SULF1: variants seen among roughly 807,000 people sequenced by gnomAD.
The protein encoded by SULF1 is sulfatase 1.
SULF1 carries 46 observed loss-of-function variants against 110.5 expected under a neutral mutation model. The ratio of observed to expected loss-of-function variants is 0.42; its 90% CI spans 0.33 to 0.53. SULF1 has a LOEUF of 0.53. SULF1 is among the 20% of genes least tolerant of loss of function. The probability of loss-of-function intolerance (pLI) is 0.12; values close to 1 mark genes in which losing one functional copy is unlikely to be tolerated. For missense variants in SULF1, 941 were observed against 1,094.2 expected (o/e 0.86, Z 1.98); for synonymous variants, 371 against 387.1 (o/e 0.96, Z 0.49).
rs1026937179 is a variant in SULF1 at position 69,576,171 on chromosome 8, C to T, written c.374C>T (p.Thr125Ile). 8.7e-6 allele frequency: 14 copies of T among 1,614,030 alleles called. No homozygotes were observed. The highest frequency in any genetic ancestry group is 1.2e-5 in the Non-Finnish European group (14 of 1,180,024). ...TGGCAGGCCATGCATGAGCCTCGGA[C>T]TTTTGCTGTATATCTTAACAACACT... Reference protein sequence around the residue: ...PSWQAMHEPRTFAVYLNNTGY... With the variant: ...PSWQAMHEPRIFAVYLNNTGY... The change falls in exon 6 of 23, where the codon ACT becomes ATT. Residue 125 changes from threonine to isoleucine, a missense_variant. Transcript: ENST00000402687.
intron 3 of SULF1, among the ~76,000 whole-genome samples, chr8:69,513,807 T>C (rs1811737577): frequency 6.6e-6 from 1 of 152,204 alleles, no homozygotes; most frequent in African/African-American, 2.4e-5. Context: ...TCAGCCACAT[T>C]ACAGAAAAGG....
intron 3 of SULF1, among the ~76,000 whole-genome samples, chr8:69,562,582 T>G (rs886960325): frequency 1.3e-5 from 2 of 152,192 alleles, no homozygotes; most frequent in East Asian, 3.9e-4. Context: ...CTTTGCTATC[T>G]TTCCAAGAGA....
chr8:69,471,971 AG>A lies in SULF1; in HGVS notation c.-391+5023del, dbSNP rs112661133. ...CCACCAAAGGCAGGGGAATAAGGAA[AG>A]GAGGGAGAGAGCAAGGGAGAGAAAG... On this transcript the variant is annotated intron_variant, in intron 1 of 22. Transcript: ENST00000260128. 3.6e-3 allele frequency among the ~76,000 whole-genome samples: 538 copies of A among 150,844 alleles called. 6 individuals carry two copies. Among genetic ancestry groups the A allele is most frequent in the African/African-American group, 0.013 (520 of 40,764 alleles).
intron 3 of SULF1, among the ~76,000 whole-genome samples, chr8:69,561,353 A>C (rs1343979551): frequency 6.6e-6 from 1 of 152,242 alleles, no homozygotes; most frequent in Non-Finnish European, 1.5e-5. Context: ...ACCAGAAAGG[A>C]AGTTCATTTC....
intron 5 of SULF1, among the ~76,000 whole-genome samples, chr8:69,567,520 T>G (rs921934363): frequency 2.6e-5 from 4 of 152,190 alleles, no homozygotes; most frequent in African/African-American, 7.2e-5. Flanking sequence ...CTGGCAACTA[T>G]CATTCTACTT....
At chr8:69,635,178 G>T (rs1412249320) in intron 19 of SULF1, among the ~76,000 whole-genome samples, 2 of 152,188 alleles carry the variant, frequency 1.3e-5, no homozygotes, top group African/African-American at 4.8e-5. Context: ...CAGAACACAG[G>T]ATTTTTAGAG....
At position 69,547,267 on chromosome 8, in the gene SULF1, A is replaced by C. The variant is rs535188053; in HGVS notation, c.-133-16272A>C. On this transcript the variant is annotated intron_variant, in intron 3 of 22. Coordinates refer to ENST00000402687, the MANE Select transcript of SULF1 (RefSeq NM_001128205.2). Reference sequence around the variant, plus strand: ...GTGAAAAGCAAATTTGATGATTTATACCAAAATATTTTCCTGAACTGTGAT... The same window carrying C: ...GTGAAAAGCAAATTTGATGATTTATCCCAAAATATTTTCCTGAACTGTGAT... Among the ~76,000 whole-genome samples the C allele has an allele frequency of 3.8e-4, 58 of 152,268 alleles. 1 individual carries two copies. The South Asian group carries it at 6.8e-3, about 18-fold the overall frequency.
chr8:69,524,697 T>C (rs1331410461), intron 3 of SULF1, among the ~76,000 whole-genome samples: 1 of 152,236 alleles, frequency 6.6e-6, no homozygotes, highest in Non-Finnish European at 1.5e-5. Context: ...AGTATAGTTA[T>C]AGACAAACCT....
chr8:69,648,999 T>C (rs1449363759), intron 22 of SULF1, among the ~76,000 whole-genome samples: 1 of 152,222 alleles, frequency 6.6e-6, no homozygotes, highest in Non-Finnish European at 1.5e-5. Flanking sequence ...TGTGAAATCA[T>C]CTACATTTAT....
chr8:69,647,094 A>G (rs1227275767), intron 22 of SULF1, among the ~76,000 whole-genome samples: 2 of 151,634 alleles, frequency 1.3e-5, no homozygotes, highest in East Asian at 1.9e-4. Context: ...ACAGGCACAG[A>G]CCACCATGCC....
At chr8:69,646,152 G>A (rs1205045897) in intron 22 of SULF1, among the ~76,000 whole-genome samples, 1 of 152,096 alleles carries the variant, frequency 6.6e-6, no homozygotes, top group Non-Finnish European at 1.5e-5. Flanking sequence ...TGTCCTAAAA[G>A]CAATAGGCAG....
chr8:69,492,351 G>T (rs1053973755), upstream of SULF1, among the ~76,000 whole-genome samples: 1 of 151,720 alleles, frequency 6.6e-6, no homozygotes, highest in African/African-American at 2.4e-5. Context: ...TAGAGGGGTC[G>T]ACAGGGCACA....
intron 22 of SULF1, chr8:69,642,180 T>C: frequency 2.2e-6 from 2 of 922,090 alleles, no homozygotes; most frequent in African/African-American, 1.8e-5. Flanking sequence ...TATATTAATA[T>C]CTTCTTCATC....
At chr8:69,527,217 C>T (rs1812760607) in intron 3 of SULF1, among the ~76,000 whole-genome samples, 1 of 152,074 alleles carries the variant, frequency 6.6e-6, no homozygotes, top group Non-Finnish European at 1.5e-5. Flanking sequence ...GGATTCAGAG[C>T]TTCATTTTAA....
At chr8:69,624,776 G>A (rs1339656042) in intron 15 of SULF1, among the ~76,000 whole-genome samples, 1 of 152,220 alleles carries the variant, frequency 6.6e-6, no homozygotes, top group Non-Finnish European at 1.5e-5. Context: ...AAGTCAAGGG[G>A]ACAGGGAAGG....
At chr8:69,508,875 G>A (rs942207346) in intron 3 of SULF1, among the ~76,000 whole-genome samples, 2 of 152,090 alleles carry the variant, frequency 1.3e-5, no homozygotes, top group African/African-American at 4.8e-5. Flanking sequence ...CAGAGCAGTC[G>A]GTGCTGTGCT....
chr8:69,490,610 C>T (rs923109219), upstream of SULF1, among the ~76,000 whole-genome samples: 1 of 152,102 alleles, frequency 6.6e-6, no homozygotes, highest in Middle Eastern at 3.2e-3. Context: ...CCTGAAGTAC[C>T]CCTTGAAAGC....
intron 5 of SULF1, among the ~76,000 whole-genome samples, chr8:69,572,572 C>T (rs1191888248): frequency 6.6e-6 from 1 of 152,176 alleles, no homozygotes; most frequent in Non-Finnish European, 1.5e-5. Context: ...ACAGTCTCTT[C>T]CAGCTCTAGG....
chr8:69,495,127 T>C (rs1204122649), intron 1 of SULF1, among the ~76,000 whole-genome samples: 1 of 152,198 alleles, frequency 6.6e-6, no homozygotes, highest in Non-Finnish European at 1.5e-5. Flanking sequence ...TACTGGTTTA[T>C]GAAGAAAATT....
Sources: gnomAD v4.1 joint callset for allele counts (sites outside exome capture counted in the v4.1 genomes callset) on GRCh38, gnomAD v4.1.1 for gene constraint, MANE v1.5 for transcripts, NCBI Gene and HGNC (gene_info 2026-07-23, HGNC 2026-07-21) for gene names.